Variants in PPP2R5E observed in about 807,000 individuals in gnomAD.
The protein encoded by PPP2R5E is protein phosphatase 2 regulatory subunit B'epsilon, also known as serine/threonine-protein phosphatase 2A 56 kDa regulatory subunit epsilon isoform.
A neutral mutation model predicts 65.3 loss-of-function variants in PPP2R5E; 4 were observed. That is an observed-to-expected ratio of 0.06 (90% CI 0.03 to 0.14). The LOEUF (loss-of-function observed/expected upper bound fraction) is 0.14, where lower values mean the gene tolerates loss of function less well. PPP2R5E is among the 10% of genes least tolerant of loss of function. PPP2R5E has a pLI of 1.00. For missense variants in PPP2R5E, 274 were observed against 556.1 expected, an observed-to-expected ratio of 0.49 and a Z score of 5.10; for synonymous variants, 183 against 187.4, an observed-to-expected ratio of 0.98 and a Z score of 0.19.
intron 11 of PPP2R5E, among the ~76,000 whole-genome samples, chr14:63,387,733 C>T (rs544080506): frequency 5.0e-4 from 76 of 152,212 alleles, no homozygotes; most frequent in Non-Finnish European, 7.4e-4. Context: ...AGTCCTAATC[C>T]CCAACGTGAC....
rs192342327 is a variant in PPP2R5E, at chr14:63,420,859, C to T, written c.456+1134G>A. ...CGAGGTCAAGAGATCGAGACCATCC[C>T]GGCTAAAACGGTGAAACCCCGTCTC... On this transcript the variant is annotated intron_variant, in intron 4 of 13. Transcript: ENST00000337537. 2.2e-4 allele frequency among the ~76,000 whole-genome samples: 30 copies of T among 137,380 alleles called. 6 individuals carry two copies. Among genetic ancestry groups the T allele is most frequent in the African/African-American group, 7.6e-4 (25 of 32,806 alleles). The allele number at this position is 137,380 out of a possible 152,430, so 90.1% of individuals were successfully genotyped here. A position where few individuals can be genotyped will look rare whatever the true frequency, so the allele number is the denominator to read the frequency against.
At chr14:63,417,688 A>G (rs909798051) in intron 4 of PPP2R5E, among the ~76,000 whole-genome samples, 6 of 152,162 alleles carry the variant, frequency 3.9e-5, no homozygotes, top group Non-Finnish European at 8.8e-5. Context: ...GTTTCTTCAA[A>G]GATGTTCTCA....
At chr14:63,495,623 T>C (rs1308478403) in intron 2 of PPP2R5E, among the ~76,000 whole-genome samples, 1 of 151,906 alleles carries the variant, frequency 6.6e-6, no homozygotes, top group Non-Finnish European at 1.5e-5. Flanking sequence ...TATGTATATG[T>C]AGACAAAAAA....
intron 2 of PPP2R5E, among the ~76,000 whole-genome samples, chr14:63,491,677 G>A (rs138689385): frequency 0.032 from 4,802 of 152,024 alleles, 235 homozygotes; most frequent in African/African-American, 0.11. Context: ...GGAAAACCCC[G>A]TCTCTGCTAA....
chr14:63,466,249 T>TAAA (rs56726365), intron 2 of PPP2R5E, among the ~76,000 whole-genome samples: 1 of 93,084 alleles, frequency 1.1e-5, no homozygotes, highest in Non-Finnish European at 2.3e-5. Context: ...TCATGAAACT[T>TAAA]AAAAAAAAAA....
At chr14:63,489,755 C>G (rs952381898) in intron 2 of PPP2R5E, among the ~76,000 whole-genome samples, 3 of 152,014 alleles carry the variant, frequency 2.0e-5, no homozygotes, top group Non-Finnish European at 4.4e-5. Flanking sequence ...CCTGATGACA[C>G]CAAGATTTAG....
intron 2 of PPP2R5E, among the ~76,000 whole-genome samples, chr14:63,512,972 G>T (rs1212343916): frequency 1.4e-5 from 2 of 143,984 alleles, no homozygotes; most frequent in African/African-American, 5.3e-5. Context: ...CAGCAGCAGT[G>T]GAAAACCCCA....
chr14:63,461,867 T>C (rs1020211711), intron 2 of PPP2R5E, among the ~76,000 whole-genome samples: 1 of 150,434 alleles, frequency 6.6e-6, no homozygotes, highest in Non-Finnish European at 1.5e-5. Context: ...CACACATGCA[T>C]GTGCACACAT....
intron 3 of PPP2R5E, among the ~76,000 whole-genome samples, chr14:63,441,910 A>T (rs1888259970): frequency 2.9e-5 from 2 of 69,022 alleles, no homozygotes; most frequent in African/African-American, 2.0e-4. Context: ...ACTCCGTCTA[A>T]AAAAAAAAAA....
intron 2 of PPP2R5E, among the ~76,000 whole-genome samples, chr14:63,520,084 G>A (rs909235888): frequency 1.3e-5 from 2 of 152,086 alleles, no homozygotes; most frequent in African/African-American, 4.8e-5. Flanking sequence ...CGCGCAGGCT[G>A]GAGTGCAGTG....
intron 2 of PPP2R5E, among the ~76,000 whole-genome samples, chr14:63,517,767 T>A (rs1236472066): frequency 6.6e-6 from 1 of 152,246 alleles, no homozygotes; most frequent in Non-Finnish European, 1.5e-5. Context: ...TACTTTCAAT[T>A]ATTTATTTTT....
In PPP2R5E at chr14:63,394,069, C is replaced by CTT; in HGVS notation, c.741-142_741-141insAA. The stretch of plus-strand genomic sequence containing the variant: ...CCCACCCCAGTGGCATTCAGAATTT[C>CTT]CTTTTTTTTTTTTTTTTTTTTTTTT... On this transcript the variant is annotated intron_variant, in intron 7 of 13. Transcript: ENST00000337537. 1.3e-5 allele frequency: 4 copies of CTT among 306,672 alleles called. No homozygotes were observed. The South Asian group carries it at 2.2e-4, about 17-fold the overall frequency. 19.0% of individuals were successfully genotyped at this position (306,672 alleles called of 1,614,324 possible).
At chr14:63,483,124 G>A (rs1890794445) in intron 2 of PPP2R5E, among the ~76,000 whole-genome samples, 1 of 152,018 alleles carries the variant, frequency 6.6e-6, no homozygotes, top group South Asian at 2.1e-4. Context: ...GGGCAACATA[G>A]CAAGATCTCA....
intron 1 of PPP2R5E, 127 bp from the exon 2 acceptor site, chr14:63,539,819 A>T: frequency 9.6e-7 from 1 of 1,042,600 alleles, no homozygotes; most frequent in South Asian, 1.7e-5. Context: ...AAGAAAATAA[A>T]ATCAGTTAAG....
intron 2 of PPP2R5E, among the ~76,000 whole-genome samples, chr14:63,503,487 A>G (rs1183224165): frequency 2.6e-5 from 4 of 152,164 alleles, no homozygotes; most frequent in Non-Finnish European, 5.9e-5. Context: ...CAACAACTCC[A>G]ACCAATTTCT....
At chr14:63,377,579 G>A (rs1884063205) in intron 13 of PPP2R5E, among the ~76,000 whole-genome samples, 1 of 152,104 alleles carries the variant, frequency 6.6e-6, no homozygotes, top group Admixed American at 6.6e-5. Flanking sequence ...GACCATATGG[G>A]AGCACAAACC....
chr14:63,459,227 A>T (rs1483008997), intron 2 of PPP2R5E, among the ~76,000 whole-genome samples: 3 of 152,248 alleles, frequency 2.0e-5, no homozygotes, highest in Non-Finnish European at 4.4e-5. Flanking sequence ...TAGGTACACT[A>T]GCATATGCGG....
intron 2 of PPP2R5E, among the ~76,000 whole-genome samples, chr14:63,509,265 T>A (rs987538793): frequency 2.2e-5 from 3 of 138,770 alleles, no homozygotes; most frequent in African/African-American, 5.9e-5. Flanking sequence ...TTTTAAAATA[T>A]CCTTTTTTTT....
chr14:63,389,791 CA>C, intron 10 of PPP2R5E, 60 bp from the exon 11 acceptor site: 2 of 1,456,220 alleles, frequency 1.4e-6, no homozygotes. Context: ...TCCATAAGAA[CA>C]AGGAGGATTA....
Sources: gnomAD v4.1 joint callset for allele counts (sites outside exome capture counted in the v4.1 genomes callset) on GRCh38, gnomAD v4.1.1 for gene constraint, MANE v1.5 for transcripts, NCBI Gene and HGNC (gene_info 2026-07-23, HGNC 2026-07-21) for gene names.